The following AK7 variants were observed in gnomAD, a reference collection of about 807,000 sequenced individuals.
The protein encoded by AK7 is ATP-AMP transphosphorylase 7.
Under a neutral mutation model 96.6 loss-of-function variants are expected in AK7, and 78 were observed. The observed-to-expected ratio is 0.81, with a 90% CI of 0.67 to 0.97. The LOEUF is 0.97. AK7 is among the 50% of genes least tolerant of loss of function. The pLI, the probability that AK7 is intolerant of heterozygous loss-of-function variation, is 0.00. For synonymous variants in AK7, 302 were observed against 317.2 expected, an observed-to-expected ratio of 0.95 and a Z score of 0.51; for missense variants, 855 against 887.9, an observed-to-expected ratio of 0.96 and a Z score of 0.47.
At chr14:96,471,438 T>A (rs748225770) in intron 12 of AK7, 40 bp from the exon 13 acceptor site, 1 of 1,079,988 alleles carries the variant, frequency 9.3e-7, no homozygotes. Context: ...TAGAATGTGA[T>A]ACATTATAAG....
intron 5 of AK7, among the ~76,000 whole-genome samples, chr14:96,421,901 G>A (rs1276022529): frequency 2.6e-5 from 4 of 152,250 alleles, no homozygotes; most frequent in South Asian, 2.1e-4. Flanking sequence ...CACTGTGCCC[G>A]GCCCCTTCTG....
At chr14:96,484,966 A>G (rs1028309283) in intron 16 of AK7, among the ~76,000 whole-genome samples, 11 of 152,188 alleles carry the variant, frequency 7.2e-5, no homozygotes, top group African/African-American at 2.4e-4. Context: ...GGCAGGCCCA[A>G]TGCACACATC....
At chr14:96,465,602 A>T (rs8022413) in intron 12 of AK7, among the ~76,000 whole-genome samples, 1 of 152,214 alleles carries the variant, frequency 6.6e-6, no homozygotes, top group Non-Finnish European at 1.5e-5. Flanking sequence ...GATTAATGCC[A>T]AAAAGCTTTT....
chr14:96,468,244 ATC>A (rs1246122317), intron 12 of AK7, among the ~76,000 whole-genome samples: 3 of 142,692 alleles, frequency 2.1e-5, no homozygotes, highest in Admixed American at 2.1e-4. Flanking sequence ...AAGAAGGGTG[ATC>A]TCTCTCATGA....
At chr14:96,401,977 G>A (rs1018170229) in intron 2 of AK7, among the ~76,000 whole-genome samples, 1 of 152,206 alleles carries the variant, frequency 6.6e-6, no homozygotes, top group Non-Finnish European at 1.5e-5. Context: ...GCCTGGCTAA[G>A]GGCGTGAGTA....
intron 10 of AK7, 130 bp from the exon 11 acceptor site, chr14:96,456,217 A>G: frequency 9.7e-7 from 1 of 1,030,396 alleles, no homozygotes; most frequent in Non-Finnish European, 1.3e-6. Context: ...AGCCCGAGCA[A>G]CAGAGTGAGA....
chr14:96,470,138 A>C (rs1387619166), intron 12 of AK7, among the ~76,000 whole-genome samples: 1 of 151,888 alleles, frequency 6.6e-6, no homozygotes, highest in African/African-American at 2.4e-5. Context: ...TTTTAATTAG[A>C]TCAGTTTATT....
In AK7 at chr14:96,472,668, G is replaced by A. The variant is rs771159554; in HGVS notation, c.1487-19G>A. 1.9e-6 allele frequency: 3 copies of A among 1,596,240 alleles called. No individual in the cohort carries two copies. The highest frequency in any genetic ancestry group is 2.6e-6 in the Non-Finnish European group (3 of 1,164,186). The stretch of plus-strand genomic sequence containing the variant: ...ATAATATATTAATAAACACAATGAG[G>A]AATATTTTGTTTTCTTAGAGGAAGA... On this transcript the variant is annotated intron_variant, in intron 13 of 17. Coordinates refer to ENST00000267584, the MANE Select transcript of AK7 (RefSeq NM_152327.5).
At position 96,488,350 on chromosome 14, in the gene AK7, A is replaced by G. The variant is rs371205728; in HGVS notation, c.*7A>G. ...CAATCCTGAAGCACAGTGAAACTTG[A>G]AAGATCTGGTATTATCTACCTTTAC... On this transcript the variant is annotated 3_prime_UTR_variant, in exon 18 of 18. Coordinates refer to ENST00000267584, the MANE Select transcript of AK7 (RefSeq NM_152327.5). The G allele has an allele frequency of 1.2e-6, 2 of 1,610,964 alleles. No individual in the cohort carries two copies. Among genetic ancestry groups the G allele is most frequent in the African/African-American group, 2.7e-5 (2 of 74,894 alleles).
At chr14:96,412,919 A>G (rs1454903360) in intron 4 of AK7, among the ~76,000 whole-genome samples, 2 of 152,228 alleles carry the variant, frequency 1.3e-5, no homozygotes, top group African/African-American at 4.8e-5. Flanking sequence ...AGAAAGAGTC[A>G]CTAACATAAT....
chr14:96,403,152 A>AAATAAATAAATG (rs1211273525), intron 2 of AK7, among the ~76,000 whole-genome samples: 3 of 147,854 alleles, frequency 2.0e-5, no homozygotes, highest in Non-Finnish European at 4.5e-5. Flanking sequence ...ATAAATAAAT[A>AAATAAATAAATG]AATGGAGGTC....
At position 96,408,956 on chromosome 14, in the gene AK7, A is replaced by G. The variant is rs776249887; in HGVS notation, c.498+15A>G. On this transcript the variant is annotated intron_variant, in intron 4 of 17. Transcript: ENST00000267584. The stretch of plus-strand genomic sequence containing the variant: ...CCCTGGACCCCGTAAGTAGAGCGTT[A>G]GCTTTCCTTTAGGTAACATTTCAGC... 32 of 1,612,152 alleles carry G rather than the reference A, an allele frequency of 2.0e-5. No homozygotes were observed. Among genetic ancestry groups the G allele is most frequent in the Non-Finnish European group, 2.5e-5 (29 of 1,178,432 alleles).
chr14:96,458,307 G>C (rs923769582), intron 12 of AK7, 95 bp downstream of exon 12: 22 of 1,480,612 alleles, frequency 1.5e-5, no homozygotes, highest in Non-Finnish European at 1.9e-5. Context: ...AAAAAAGACT[G>C]AACTACAGGC....
chr14:96,428,415 A>G (rs1418148495), intron 5 of AK7, among the ~76,000 whole-genome samples: 2 of 152,228 alleles, frequency 1.3e-5, no homozygotes, highest in South Asian at 2.1e-4. Flanking sequence ...ATAGTGCCGC[A>G]GTAAACATAT....
chr14:96,414,730 G>GGAGGT (rs1891226081), intron 4 of AK7, among the ~76,000 whole-genome samples: 1 of 151,286 alleles, frequency 6.6e-6, no homozygotes, highest in African/African-American at 2.4e-5. Flanking sequence ...GAAGACGGAT[G>GGAGGT]GAGGTTGAAG....
At chr14:96,449,932 A>G in intron 9 of AK7, 53 bp downstream of exon 9, 1 of 1,317,102 alleles carries the variant, frequency 7.6e-7, no homozygotes, top group Non-Finnish European at 1.1e-6. Context: ...AATAATATGG[A>G]GTATTGTTAT....
intron 11 of AK7, among the ~76,000 whole-genome samples, chr14:96,457,288 TGAGCTCA>T (rs1214687216): frequency 2.0e-5 from 3 of 152,158 alleles, no homozygotes; most frequent in African/African-American, 7.2e-5. Flanking sequence ...CTTGAACTCC[TGAGCTCA>T]GGTGATCCGC....
chr14:96,468,976 A>G (rs1050730630), intron 12 of AK7, among the ~76,000 whole-genome samples: 1 of 152,158 alleles, frequency 6.6e-6, no homozygotes, highest in Non-Finnish European at 1.5e-5. Context: ...CTAAGAGATC[A>G]CATTTCTCAA....
chr14:96,487,921 A>G (rs1895863674), intron 17 of AK7: 1 of 304,360 alleles, frequency 3.3e-6, no homozygotes, highest in South Asian at 2.8e-5. Flanking sequence ...TTTATTTATT[A>G]TTTATTTTGA....
Sources: allele counts gnomAD v4.1 joint callset (sites outside exome capture counted in the v4.1 genomes callset), GRCh38; gene constraint gnomAD v4.1.1; transcripts MANE v1.5; gene names NCBI Gene and HGNC (gene_info 2026-07-23, HGNC 2026-07-21).